The following DOK5 variants were observed in gnomAD, a reference collection of about 807,000 sequenced individuals.
DOK5 encodes downstream of tyrosine kinase 5.
In DOK5, 27 loss-of-function variants were observed where a neutral mutation model predicts 43.3. That is an observed-to-expected ratio of 0.62 (90% CI 0.46 to 0.86). DOK5 has a LOEUF of 0.86. DOK5 is among the 40% of genes least tolerant of loss of function. The pLI is 0.00. For synonymous variants in DOK5, 146 were observed against 140.1 expected (o/e 1.04, Z -0.30); for missense variants, 373 against 392.9 (o/e 0.95, Z 0.43).
Position 54,479,554 on chromosome 20 carries a change from A to G in DOK5, c.66+3542A>G, listed in dbSNP as rs80100462. Among the ~76,000 whole-genome samples the G allele has an allele frequency of 3.5e-3, 540 of 152,304 alleles. 1 individual carries two copies. The highest frequency in any genetic ancestry group is 0.012 in the African/African-American group (516 of 41,562). Reference sequence around the variant, plus strand: ...TTCTCACTTCGTTTCTTTCCTTGCAATGGAGATGATTTTCCAATCAATCAT... The same window carrying G: ...TTCTCACTTCGTTTCTTTCCTTGCAGTGGAGATGATTTTCCAATCAATCAT... On this transcript the variant is annotated intron_variant, in intron 1 of 7. Coordinates refer to ENST00000262593, the MANE Select transcript of DOK5 (RefSeq NM_018431.5).
At chr20:54,639,255 C>T (rs1250470529) in intron 6 of DOK5, among the ~76,000 whole-genome samples, 5 of 152,226 alleles carry the variant, frequency 3.3e-5, no homozygotes, top group African/African-American at 1.2e-4. Context: ...TGCTCAGCTC[C>T]TGTTCATGTG....
intron 6 of DOK5, among the ~76,000 whole-genome samples, chr20:54,628,589 C>T (rs1289707015): frequency 6.6e-6 from 1 of 152,052 alleles, no homozygotes; most frequent in Non-Finnish European, 1.5e-5. Flanking sequence ...GGTTGCCCCA[C>T]GATTATCACA....
chr20:54,603,750 G>A (rs1018383571), intron 5 of DOK5, among the ~76,000 whole-genome samples: 7 of 152,066 alleles, frequency 4.6e-5, no homozygotes, highest in East Asian at 1.9e-4. Flanking sequence ...GATCAAGTCC[G>A]TATTACAAGC....
chr20:54,610,646 A>C, intron 6 of DOK5, 123 bp downstream of exon 6: 3 of 1,127,842 alleles, frequency 2.7e-6, no homozygotes, highest in Non-Finnish European at 3.5e-6. Context: ...TCTTCTCAAC[A>C]GTGTATCACT....
In DOK5 at chr20:54,557,188, A is replaced by G. The variant is rs556521168; in HGVS notation, c.174+2148A>G. ...CGATATTCTTTGCTGCAACACCCTC[A>G]GCCAAGGTCTGATAATGGTCTATGC... On this transcript the variant is annotated intron_variant, in intron 2 of 7. Transcript: ENST00000262593. 7.9e-4 allele frequency among the ~76,000 whole-genome samples: 121 copies of G among 152,308 alleles called. 1 individual carries two copies. Among genetic ancestry groups the G allele is most frequent in the African/African-American group, 2.7e-3 (112 of 41,570 alleles).
At chr20:54,545,948 G>A (rs1263042820) in intron 1 of DOK5, among the ~76,000 whole-genome samples, 1 of 152,208 alleles carries the variant, frequency 6.6e-6, no homozygotes. Context: ...ATTATGATAA[G>A]CATGAAAATA....
chr20:54,574,694 C>G (rs141574135), intron 2 of DOK5, among the ~76,000 whole-genome samples: 1 of 152,056 alleles, frequency 6.6e-6, no homozygotes, highest in South Asian at 2.1e-4. Context: ...GAAAAATGTC[C>G]TCAGTCAATG....
At chr20:54,608,714 A>G (rs1033458917) in intron 5 of DOK5, among the ~76,000 whole-genome samples, 2 of 146,338 alleles carry the variant, frequency 1.4e-5, no homozygotes, top group Non-Finnish European at 3.0e-5. Context: ...TCTGTCACCC[A>G]GGCTGGAGTG....
intron 5 of DOK5, among the ~76,000 whole-genome samples, chr20:54,598,600 G>T (rs185834524): frequency 6.6e-6 from 1 of 152,210 alleles, no homozygotes; most frequent in Non-Finnish European, 1.5e-5. Context: ...TAATACCCTG[G>T]GTTTCGCACC....
rs776192777 is a variant in DOK5, at chr20:54,650,506, A to G, written c.*27A>G. On this transcript the variant is annotated 3_prime_UTR_variant, in exon 8 of 8. Coordinates refer to ENST00000262593, the MANE Select transcript of DOK5 (RefSeq NM_018431.5). ...AGTAACTGCCAAGAATTGTTAACAC[A>G]CTTGTGATGTGTCAGCCACAGATTC... 3 of 1,607,910 alleles carry G rather than the reference A, an allele frequency of 1.9e-6. No homozygotes were observed. Among genetic ancestry groups the G allele is most frequent in the South Asian group, 1.1e-5 (1 of 90,624 alleles).
At chr20:54,604,987 G>A (rs374800392) in intron 5 of DOK5, among the ~76,000 whole-genome samples, 1 of 143,434 alleles carries the variant, frequency 7.0e-6, no homozygotes, top group Admixed American at 7.2e-5. Context: ...GGGCAACAGA[G>A]CAAGACTGTG....
intron 7 of DOK5, among the ~76,000 whole-genome samples, chr20:54,648,674 T>C (rs1318790384): frequency 6.6e-6 from 1 of 152,080 alleles, no homozygotes; most frequent in Non-Finnish European, 1.5e-5. Flanking sequence ...GGGTGGTGAA[T>C]ACAGGTAATC....
At chr20:54,566,622 T>C (rs1600706247) in intron 2 of DOK5, among the ~76,000 whole-genome samples, 1 of 152,180 alleles carries the variant, frequency 6.6e-6, no homozygotes, top group African/African-American at 2.4e-5. Flanking sequence ...ATTTTAGTCA[T>C]TCTTTTCTTT....
intron 1 of DOK5, among the ~76,000 whole-genome samples, chr20:54,530,914 C>T (rs6098047): frequency 0.02 from 3,035 of 152,172 alleles, 102 homozygotes; most frequent in African/African-American, 0.07. Flanking sequence ...TTCCTGTGAG[C>T]GGAATTGCAG....
At chr20:54,557,263 T>C (rs982425324) in intron 2 of DOK5, among the ~76,000 whole-genome samples, 1 of 152,162 alleles carries the variant, frequency 6.6e-6, no homozygotes, top group African/African-American at 2.4e-5. Context: ...GGGAAGACAA[T>C]TTTTCCACAG....
chr20:54,620,160 C>T (rs746804409), intron 6 of DOK5, among the ~76,000 whole-genome samples: 1 of 152,184 alleles, frequency 6.6e-6, no homozygotes, highest in Non-Finnish European at 1.5e-5. Context: ...TATGAAATAC[C>T]TATTTGCTAC....
chr20:54,567,257 GA>G (rs1443980634), intron 2 of DOK5, among the ~76,000 whole-genome samples: 1 of 152,024 alleles, frequency 6.6e-6, no homozygotes, highest in Admixed American at 6.5e-5. Flanking sequence ...CTCCTTGCCT[GA>G]AGTTCAATCC....
intron 6 of DOK5, among the ~76,000 whole-genome samples, chr20:54,635,365 T>C (rs1339751644): frequency 1.3e-5 from 2 of 152,142 alleles, no homozygotes; most frequent in African/African-American, 2.4e-5. Flanking sequence ...TAACTAAGAG[T>C]CTGGTGCCCT....
At chr20:54,501,777 T>C (rs1416389920) in intron 1 of DOK5, among the ~76,000 whole-genome samples, 1 of 152,224 alleles carries the variant, frequency 6.6e-6, no homozygotes, top group Non-Finnish European at 1.5e-5. Flanking sequence ...GACTTAGCAA[T>C]GGTGAGCTGT....
Sources: allele counts gnomAD v4.1 joint callset (sites outside exome capture counted in the v4.1 genomes callset), GRCh38; gene constraint gnomAD v4.1.1; transcripts MANE v1.5; gene names NCBI Gene and HGNC (gene_info 2026-07-23, HGNC 2026-07-21).